Variants in APOBEC3D observed in about 807,000 individuals in gnomAD.
The protein encoded by APOBEC3D is apolipoprotein B mRNA editing enzyme catalytic subunit 3D, also known as DNA dC->dU-editing enzyme APOBEC-3D.
A neutral mutation model predicts 45.6 loss-of-function variants in APOBEC3D; 37 were observed. That is an observed-to-expected ratio of 0.81 (90% CI 0.62 to 1.07). APOBEC3D has a LOEUF of 1.07. Among genes scored for constraint, APOBEC3D ranks in the 50% least tolerant of loss-of-function variants. APOBEC3D has a pLI of 0.00. For synonymous variants in APOBEC3D, 175 were observed against 180.7 expected, an observed-to-expected ratio of 0.97 and a Z score of 0.25; for missense variants, 496 against 495.3, an observed-to-expected ratio of 1.00 and a Z score of -0.01.
At chr22:39,027,858 C>G (rs998350466) in intron 4 of APOBEC3D, among the ~76,000 whole-genome samples, 7 of 152,198 alleles carry the variant, frequency 4.6e-5, no homozygotes, top group African/African-American at 1.7e-4. Context: ...CCTGCCCCAG[C>G]CCATGCCCCC....
chr22:39,025,808 A>G, intron 4 of APOBEC3D, 137 bp downstream of exon 4: 1 of 1,497,086 alleles, frequency 6.7e-7, no homozygotes, highest in Admixed American at 1.9e-5. Flanking sequence ...CCTCACCCAC[A>G]CTCCTCATGC....
intron 2 of APOBEC3D, 134 bp from the exon 3 acceptor site, chr22:39,024,936 G>C (rs112245252): frequency 0.1 from 85,918 of 854,664 alleles, 5,901 homozygotes; most frequent in East Asian, 0.31. Context: ...AAACCAAACA[G>C]GGGGGATGGA....
In APOBEC3D at chr22:39,032,470, C is replaced by T. The variant is rs1209371377; in HGVS notation, c.*154C>T. The T allele has an allele frequency of 1.4e-6, 2 of 1,455,924 alleles. No homozygotes were observed. Among genetic ancestry groups the T allele is most frequent in the African/African-American group, 2.8e-5 (2 of 70,348 alleles). The allele number at this position is 1,455,924 out of a possible 1,614,324, so 90.2% of individuals were successfully genotyped here. On this transcript the variant is annotated 3_prime_UTR_variant, in exon 7 of 7. Transcript: ENST00000216099. ...TCCATAGTGCCCCCCTGCCTCACCA[C>T]CTCCTCCCCGCTCTCCCAGGCTCTT...
intron 4 of APOBEC3D, among the ~76,000 whole-genome samples, chr22:39,026,403 A>T (rs1215967770): frequency 1.3e-5 from 2 of 152,064 alleles, no homozygotes; most frequent in Non-Finnish European, 2.9e-5. Flanking sequence ...TTTAATCACC[A>T]CTTTAGTGTA....
chr22:39,030,078 T>G (rs1926061134), intron 5 of APOBEC3D, among the ~76,000 whole-genome samples: 1 of 150,756 alleles, frequency 6.6e-6, no homozygotes, highest in Non-Finnish European at 1.5e-5. Flanking sequence ...CGTCCGGCAG[T>G]CCTCGGGAAA....
intron 4 of APOBEC3D, 70 bp from the exon 5 acceptor site, chr22:39,029,293 A>G: frequency 1.3e-6 from 2 of 1,553,652 alleles, no homozygotes; most frequent in South Asian, 1.1e-5. Context: ...AGGGACGTCC[A>G]GGGAGTTGTG....
At chr22:39,027,194 G>A (rs1925758653) in intron 4 of APOBEC3D, among the ~76,000 whole-genome samples, 2 of 152,138 alleles carry the variant, frequency 1.3e-5, no homozygotes, top group South Asian at 4.1e-4. Context: ...GTGACATAGG[G>A]ACAAGAGCTC....
intron 5 of APOBEC3D, 92 bp downstream of exon 5, chr22:39,029,611 G>A: frequency 4.1e-6 from 6 of 1,459,400 alleles, no homozygotes; most frequent in Non-Finnish European, 4.7e-6. Context: ...CGTGGGCTCT[G>A]CTATGTGTAC....
intron 2 of APOBEC3D, among the ~76,000 whole-genome samples, chr22:39,023,532 C>G (rs1263071304): frequency 6.6e-6 from 1 of 151,410 alleles, no homozygotes; most frequent in Non-Finnish European, 1.5e-5. Flanking sequence ...ATTCAACTTC[C>G]GCCTCCTGGG....
At chr22:39,031,136 C>T (rs910191242) in intron 5 of APOBEC3D, among the ~76,000 whole-genome samples, 1 of 151,836 alleles carries the variant, frequency 6.6e-6, no homozygotes, top group Non-Finnish European at 1.5e-5. Context: ...GTTGCACTCC[C>T]GCCTGTGCAA....
chr22:39,024,002 C>T (rs958263889), intron 2 of APOBEC3D, among the ~76,000 whole-genome samples: 2 of 152,054 alleles, frequency 1.3e-5, no homozygotes, highest in African/African-American at 4.8e-5. Context: ...GCAGTCCTGG[C>T]CTACAGCGGT....
In APOBEC3D at chr22:39,021,398, G is replaced by GCC. The variant is rs1925089425; in HGVS notation, c.-120_-119dup. On this transcript the variant is annotated 5_prime_UTR_variant, in exon 1 of 7. Transcript: ENST00000216099. Reference sequence around the variant, plus strand: ...TGGGATTACAGGCGTGAGCCACCGTGCCCGGCCGGGAGGTCACTTTAAGGA... The same window carrying GCC: ...TGGGATTACAGGCGTGAGCCACCGTGCCCCCGGCCGGGAGGTCACTTTAAGGA... 4.9e-6 allele frequency: 7 copies of GCC among 1,430,970 alleles called. No individual in the cohort carries two copies. Among genetic ancestry groups the GCC allele is most frequent in the Non-Finnish European group, 6.8e-6 (7 of 1,026,478 alleles). The allele number at this position is 1,430,970 out of a possible 1,614,324, so 88.6% of individuals were successfully genotyped here.
chr22:39,023,633 G>T (rs1225231437), intron 2 of APOBEC3D, among the ~76,000 whole-genome samples: 1 of 151,802 alleles, frequency 6.6e-6, no homozygotes, highest in African/African-American at 2.4e-5. Flanking sequence ...ATTTTTAATA[G>T]AGAAGGGATT....
intron 5 of APOBEC3D, 98 bp from the exon 6 acceptor site, chr22:39,031,596 G>A (rs1444872227): frequency 1.1e-5 from 17 of 1,499,796 alleles, no homozygotes; most frequent in Non-Finnish European, 1.5e-5. Flanking sequence ...AAAATGCCCT[G>A]GGGCTTCAGG....
At chr22:39,029,976 CG>C (rs1327459459) in intron 5 of APOBEC3D, among the ~76,000 whole-genome samples, 3 of 151,924 alleles carry the variant, frequency 2.0e-5, no homozygotes, top group Admixed American at 6.6e-5. Flanking sequence ...ATCAGATTGT[CG>C]AGGGGTTTTG....
Position 39,023,595 on chromosome 22 carries a change from C to T in APOBEC3D, c.210+581C>T, listed in dbSNP as rs575999059. On this transcript the variant is annotated intron_variant, in intron 2 of 6. Transcript: ENST00000216099. ...CTGAATAGCAGGGATTACAGGTGCA[C>T]GCCACCGTGCCCAGCTAATTTTTTT... is the stretch of plus-strand genomic sequence containing the variant. Among the ~76,000 whole-genome samples the T allele has an allele frequency of 4.0e-5, 6 of 151,664 alleles. No homozygotes were observed. In the South Asian group the frequency reaches 8.3e-4, roughly 21 times the overall value.
rs1324761977 is a variant in APOBEC3D, at chr22:39,033,023, G to C, written c.*707G>C. 1 of 150,182 alleles carries C rather than the reference G, an allele frequency of 6.7e-6. No homozygotes were observed. Among genetic ancestry groups the C allele is most frequent in the African/African-American group, 2.5e-5 (1 of 40,444 alleles). 9.3% of individuals were successfully genotyped at this position (150,182 alleles called of 1,614,324 possible). A position where few individuals can be genotyped will look rare whatever the true frequency, so the allele number is the denominator to read the frequency against. ...AGCCCAGAAGTTTGAGACCAGCCTGGGCCACACGACAAAGCCCCATTTCTA... is the reference window on the plus strand; with the variant it reads ...AGCCCAGAAGTTTGAGACCAGCCTGCGCCACACGACAAAGCCCCATTTCTA... On this transcript the variant is annotated 3_prime_UTR_variant, in exon 7 of 7. Transcript: ENST00000216099.
rs1196395235 is a variant in APOBEC3D at position 39,021,448 on chromosome 22, C to G, written c.-72C>G. The stretch of plus-strand genomic sequence containing the variant: ...AGGGCTGTCCAACTGCAAGGAGCCG[C>G]AAGCAGGAAGTGAAACCACAGCACT... On this transcript the variant is annotated 5_prime_UTR_variant, in exon 1 of 7. Transcript: ENST00000216099. The G allele has an allele frequency of 9.9e-6, 16 of 1,610,664 alleles. No homozygotes were observed. Among genetic ancestry groups the G allele is most frequent in the Non-Finnish European group, 1.1e-5 (13 of 1,177,200 alleles).
chr22:39,025,368 A>C lies in APOBEC3D; in HGVS notation c.490+19A>C. On this transcript the variant is annotated intron_variant, in intron 3 of 6. Transcript: ENST00000216099. ...TATGAAGGTGAGAGGTGCAGGGGTC[A>C]GGGGAGCATGACGGGGAGGAACAGC... The C allele has an allele frequency of 6.2e-7, 1 of 1,613,132 alleles. No homozygotes were observed. Among genetic ancestry groups the C allele is most frequent in the Non-Finnish European group, 8.5e-7 (1 of 1,179,308 alleles).
Sources: gnomAD v4.1 joint callset for allele counts (sites outside exome capture counted in the v4.1 genomes callset) on GRCh38, gnomAD v4.1.1 for gene constraint, MANE v1.5 for transcripts, NCBI Gene and HGNC (gene_info 2026-07-23, HGNC 2026-07-21) for gene names.